The following ABCC2 variants were observed in gnomAD, a reference collection of about 807,000 sequenced individuals.
ABCC2 encodes ATP binding cassette subfamily C member 2.
In ABCC2, 157 loss-of-function variants were observed where a neutral mutation model predicts 173.4. The observed-to-expected ratio is 0.91, with a 90% CI of 0.80 to 1.03. The LOEUF (loss-of-function observed/expected upper bound fraction) is 1.03. Among genes scored for constraint, ABCC2 ranks in the 50% least tolerant of loss-of-function variants. The pLI is 0.00. For missense variants in ABCC2, 1,822 were observed against 1,852.3 expected (o/e 0.98, Z 0.30); for synonymous variants, 657 against 693.5 (o/e 0.95, Z 0.83).
At chr10:99,810,762 T>G (rs542409924) in intron 14 of ABCC2, among the ~76,000 whole-genome samples, 3 of 152,288 alleles carry the variant, frequency 2.0e-5, no homozygotes, top group Admixed American at 2.0e-4. Flanking sequence ...CGGTGGCTCA[T>G]GCCTGTAATC....
chr10:99,814,719 A>G (rs1460180479), intron 16 of ABCC2, among the ~76,000 whole-genome samples: 2 of 144,866 alleles, frequency 1.4e-5, no homozygotes, highest in Non-Finnish European at 1.5e-5. Context: ...ACATGTATAT[A>G]CACATATGTG....
intron 19 of ABCC2, among the ~76,000 whole-genome samples, chr10:99,829,392 C>A (rs1590180547): frequency 1.3e-5 from 2 of 152,264 alleles, no homozygotes; most frequent in Middle Eastern, 6.8e-3. Flanking sequence ...AACACAAATG[C>A]TCCTGGGATT....
chr10:99,790,522 C>A (rs1001843260), intron 2 of ABCC2, among the ~76,000 whole-genome samples: 2 of 152,030 alleles, frequency 1.3e-5, no homozygotes, highest in African/African-American at 4.8e-5. Flanking sequence ...TGGCAAGACC[C>A]CCTCCTTTTC....
chr10:99,793,753 C>A (rs934426973), intron 4 of ABCC2, 68 bp downstream of exon 4: 9 of 1,604,512 alleles, frequency 5.6e-6, no homozygotes, highest in East Asian at 2.2e-5. Context: ...TAGTAAATGG[C>A]ATCAAGTTGA....
At chr10:99,841,546 C>A (rs2133140548) in intron 25 of ABCC2, among the ~76,000 whole-genome samples, 1 of 152,228 alleles carries the variant, frequency 6.6e-6, no homozygotes, top group South Asian at 2.1e-4. Context: ...CAGAGCAAGA[C>A]CTTGTCTCAT....
intron 19 of ABCC2, among the ~76,000 whole-genome samples, chr10:99,825,546 C>T (rs1407400109): frequency 1.3e-5 from 2 of 152,248 alleles, no homozygotes; most frequent in Non-Finnish European, 2.9e-5. Flanking sequence ...TCACTATTTC[C>T]ACCCTTAATA....
intron 6 of ABCC2, among the ~76,000 whole-genome samples, chr10:99,795,759 GA>G (rs2037895441): frequency 1.4e-5 from 2 of 140,278 alleles, no homozygotes; most frequent in East Asian, 4.1e-4. Context: ...AAGAAAGAAA[GA>G]AAGAAAGAAA....
At chr10:99,847,574 G>A (rs1410880493) in intron 30 of ABCC2, among the ~76,000 whole-genome samples, 1 of 151,032 alleles carries the variant, frequency 6.6e-6, no homozygotes, top group Non-Finnish European at 1.5e-5. Flanking sequence ...CTGCACTCCA[G>A]CCTGGGCAAC....
At chr10:99,845,808 C>T in intron 29 of ABCC2, 26 bp downstream of exon 29, 2 of 1,598,868 alleles carry the variant, frequency 1.3e-6, no homozygotes, top group Non-Finnish European at 1.7e-6. Context: ...TACTCGGGCA[C>T]ATGCCGTGGG....
At chr10:99,824,748 A>G (rs1250347284) in intron 19 of ABCC2, among the ~76,000 whole-genome samples, 1 of 152,254 alleles carries the variant, frequency 6.6e-6, no homozygotes, top group Non-Finnish European at 1.5e-5. Context: ...CCCGGGTTGG[A>G]GAGGCCCCAT....
chr10:99,814,186 T>TACACACATGTGTATATAC (rs2038283845), intron 16 of ABCC2, among the ~76,000 whole-genome samples: 1 of 93,808 alleles, frequency 1.1e-5, no homozygotes, highest in Non-Finnish European at 2.3e-5. Context: ...CATGTATGTA[T>TACACACATGTGTATATAC]ACACACATGT....
intron 3 of ABCC2, among the ~76,000 whole-genome samples, chr10:99,793,102 G>A (rs867462271): frequency 5.9e-5 from 9 of 152,164 alleles, no homozygotes; most frequent in African/African-American, 1.9e-4. Flanking sequence ...TATATCTAAT[G>A]TGAGATGGTA....
intron 19 of ABCC2, among the ~76,000 whole-genome samples, chr10:99,829,309 G>C (rs1463982957): frequency 6.6e-6 from 1 of 152,168 alleles, no homozygotes; most frequent in Admixed American, 6.5e-5. Context: ...CAGCCAAGGA[G>C]AGGGGGGACA....
Position 99,792,085 on chromosome 10 carries a change from A to G in ABCC2, c.208-149A>G, listed in dbSNP as rs1324101347. 13 of 983,446 alleles carry G rather than the reference A, an allele frequency of 1.3e-5. No individual in the cohort carries two copies. The Admixed American group carries it at 2.3e-4, about 18-fold the overall frequency. 60.9% of individuals were successfully genotyped at this position (983,446 alleles called of 1,614,324 possible). A position where few individuals can be genotyped will look rare whatever the true frequency, so the allele number is the denominator to read the frequency against. The stretch of plus-strand genomic sequence containing the variant: ...CTTTGAACATTATTCTATCACTTGA[A>G]CTGTATGTATCCATTCTTTCCAGAA... On this transcript the variant is annotated intron_variant, in intron 2 of 31. Transcript: ENST00000647814.
intron 11 of ABCC2, among the ~76,000 whole-genome samples, chr10:99,806,366 C>A (rs1428581061): frequency 6.6e-6 from 1 of 152,084 alleles, no homozygotes; most frequent in African/African-American, 2.4e-5. Context: ...GTGATGCTGG[C>A]AGCACATTAG....
chr10:99,850,737 C>T lies in ABCC2; in HGVS notation c.4449C>T (p.Phe1483=), dbSNP rs756299268. ...TTCAGACGACCATCCAAAACGAGTTCGCCCACTGCACAGTGATCACCATCG... is the reference window on the plus strand; with the variant it reads ...TTCAGACGACCATCCAAAACGAGTTTGCCCACTGCACAGTGATCACCATCG... ...NLIQTTIQNE[F]AHCTVITIAH... The change falls in exon 31 of 32, where the codon TTC becomes TTT. Residue 1483 remains phenylalanine, a synonymous_variant. Coordinates refer to ENST00000647814, the MANE Select transcript of ABCC2 (RefSeq NM_000392.5). The T allele has an allele frequency of 4.3e-6, 7 of 1,614,184 alleles. No homozygotes were observed. The South Asian group carries it at 5.5e-5, about 13-fold the overall frequency.
chr10:99,813,924 A>G (rs2038261639), intron 16 of ABCC2, among the ~76,000 whole-genome samples: 1 of 152,148 alleles, frequency 6.6e-6, no homozygotes, highest in Non-Finnish European at 1.5e-5. Flanking sequence ...AGTAGATTGT[A>G]CAATCATCAC....
chr10:99,785,137 A>G (rs1441292576), intron 2 of ABCC2, among the ~76,000 whole-genome samples: 1 of 152,204 alleles, frequency 6.6e-6, no homozygotes, highest in African/African-American at 2.4e-5. Flanking sequence ...GTTGGCATCT[A>G]CCTCGTGAAA....
At chr10:99,850,948 C>A in intron 31 of ABCC2, 152 bp downstream of exon 31, 1 of 926,384 alleles carries the variant, frequency 1.1e-6, no homozygotes, top group Non-Finnish European at 1.7e-6. Context: ...GTAATCTGGC[C>A]AAAATTTTAC....
Sources: gnomAD v4.1 joint callset for allele counts (sites outside exome capture counted in the v4.1 genomes callset) on GRCh38, gnomAD v4.1.1 for gene constraint, MANE v1.5 for transcripts, NCBI Gene and HGNC (gene_info 2026-07-23, HGNC 2026-07-21) for gene names.